Variants in MCOLN3 observed in about 807,000 individuals in gnomAD.
MCOLN3 encodes the protein mucolipin TRP cation channel 3, also known as mucolipin-3.
A neutral mutation model predicts 69.4 loss-of-function variants in MCOLN3; 62 were observed. That is an observed-to-expected ratio of 0.89 (90% CI 0.73 to 1.10). MCOLN3 has a LOEUF of 1.10. Ranked by LOEUF, MCOLN3 falls within the 50% of genes least tolerant of loss-of-function variation. MCOLN3 has a pLI of 0.00. For missense variants in MCOLN3, 564 were observed against 656.4 expected (o/e 0.86, Z 1.54); for synonymous variants, 183 against 217.0 (o/e 0.84, Z 1.38).
chr1:85,047,823 G>A (rs1159877166), intron 1 of MCOLN3, among the ~76,000 whole-genome samples: 1 of 152,212 alleles, frequency 6.6e-6, no homozygotes, highest in African/African-American at 2.4e-5. Flanking sequence ...CTGCAGGGTT[G>A]CAGCGATGTC....
chr1:85,039,909 C>T (rs933964042), intron 3 of MCOLN3, among the ~76,000 whole-genome samples: 40 of 151,744 alleles, frequency 2.6e-4, no homozygotes, highest in African/African-American at 9.2e-4. Context: ...TGTGACTGCA[C>T]CACTGCACTG....
chr1:85,033,778 A>G (rs1447249419), intron 4 of MCOLN3, among the ~76,000 whole-genome samples: 2 of 152,190 alleles, frequency 1.3e-5, no homozygotes, highest in Non-Finnish European at 2.9e-5. Context: ...TACGATAGCT[A>G]AGAACACAAA....
intron 3 of MCOLN3, among the ~76,000 whole-genome samples, chr1:85,037,121 AC>A (rs1652839791): frequency 6.6e-6 from 1 of 152,220 alleles, no homozygotes; most frequent in Admixed American, 6.5e-5. Flanking sequence ...TGATTATGGC[AC>A]CAAGCTTTCT....
At chr1:85,028,990 C>T in intron 7 of MCOLN3, 116 bp downstream of exon 7, 1 of 668,540 alleles carries the variant, frequency 1.5e-6, no homozygotes, top group Non-Finnish European at 2.6e-6. Context: ...GGTTTAGGGA[C>T]TTGAAAATGG....
At position 85,032,852 on chromosome 1, in the gene MCOLN3, C is replaced by T. The variant is rs776221795; in HGVS notation, c.635+20G>A. 2 of 1,614,070 alleles carry T rather than the reference C, an allele frequency of 1.2e-6. No homozygotes were observed. Among genetic ancestry groups the T allele is most frequent in the South Asian group, 2.2e-5 (2 of 91,084 alleles). On this transcript the variant is annotated intron_variant, in intron 5 of 12. Transcript: ENST00000370589. ...TATATACGTGCAAACGTAAGTTACACTCCTGTCTGCTCCCCTCACCTGTGG... is the reference window on the plus strand; with the variant it reads ...TATATACGTGCAAACGTAAGTTACATTCCTGTCTGCTCCCCTCACCTGTGG...
Position 85,045,254 on chromosome 1 carries a change from T to TCTTCTAATAGAG in MCOLN3, c.106_107insCTCTATTAGAAG (p.Glu35_Asp36insAlaLeuLeuGlu). Reference sequence around the variant, plus strand: ...AAATTTGAGTTTTCGCCTCATCTGGTCTTCTAATAGAAGCTCCTCAGATGG... The same window carrying TCTTCTAATAGAG: ...AAATTTGAGTTTTCGCCTCATCTGGTCTTCTAATAGAGCTTCTAATAGAAGCTCCTCAGATGG... On this transcript the variant is annotated inframe_insertion, in exon 2 of 13. Coordinates refer to ENST00000370589, the MANE Select transcript of MCOLN3 (RefSeq NM_018298.11). 6.2e-7 allele frequency: 1 copy of TCTTCTAATAGAG among 1,614,148 alleles called. No individual in the cohort carries two copies. The highest frequency in any genetic ancestry group is 1.6e-4 in the Middle Eastern group (1 of 6,062).
intron 9 of MCOLN3, 114 bp downstream of exon 9, chr1:85,025,825 T>A (rs1309687782): frequency 9.2e-7 from 1 of 1,081,238 alleles, no homozygotes; most frequent in Non-Finnish European, 1.3e-6. Context: ...CAAGTCTACT[T>A]GATATACAGT....
Position 85,039,262 on chromosome 1 carries a change from A to C in MCOLN3, c.396+1748T>G, listed in dbSNP as rs1652948795. 2.0e-5 allele frequency among the ~76,000 whole-genome samples: 3 copies of C among 152,196 alleles called. No homozygotes were observed. The South Asian group carries it at 6.2e-4, about 32-fold the overall frequency. On this transcript the variant is annotated intron_variant, in intron 3 of 12. Coordinates refer to ENST00000370589, the MANE Select transcript of MCOLN3 (RefSeq NM_018298.11). ...ATGTATGTGTCCCTCCAAAGTTCTT[A>C]TGGTGGAAATTAAACCCCAATATGA...
At chr1:85,037,985 C>T (rs1652878387) in intron 3 of MCOLN3, among the ~76,000 whole-genome samples, 1 of 152,178 alleles carries the variant, frequency 6.6e-6, no homozygotes, top group Non-Finnish European at 1.5e-5. Context: ...AATGCTGTGG[C>T]ACCAAAAGCA....
At chr1:85,021,323 C>T in intron 11 of MCOLN3, 47 bp from the exon 12 acceptor site, 1 of 1,469,364 alleles carries the variant, frequency 6.8e-7, no homozygotes, top group Non-Finnish European at 9.4e-7. Context: ...TGTTCCTTCC[C>T]ATTGGAGACC....
intron 3 of MCOLN3, among the ~76,000 whole-genome samples, chr1:85,037,047 G>A (rs986604638): frequency 6.6e-6 from 1 of 152,104 alleles, no homozygotes; most frequent in African/African-American, 2.4e-5. Flanking sequence ...TAATGCGATG[G>A]AGCTCTTCAT....
chr1:85,045,752 C>T (rs1653318432), intron 1 of MCOLN3, among the ~76,000 whole-genome samples: 1 of 152,144 alleles, frequency 6.6e-6, no homozygotes, highest in South Asian at 2.1e-4. Flanking sequence ...TATATGAAAA[C>T]TTTCATATAT....
intron 3 of MCOLN3, among the ~76,000 whole-genome samples, chr1:85,038,061 A>G (rs1652882533): frequency 6.6e-6 from 1 of 152,326 alleles, no homozygotes; most frequent in Non-Finnish European, 1.5e-5. Flanking sequence ...TTTATAAACT[A>G]TGTTTGAGCT....
intron 1 of MCOLN3, 148 bp from the exon 2 acceptor site, chr1:85,045,510 T>A (rs1653304650): frequency 1.6e-6 from 1 of 615,112 alleles, no homozygotes; most frequent in South Asian, 2.4e-5. Context: ...GCATTTTAGA[T>A]GTTTACAGAA....
Position 85,021,110 on chromosome 1 carries a change from A to G in MCOLN3, c.1487T>C (p.Leu496Pro). 2 of 1,611,662 alleles carry G rather than the reference A, an allele frequency of 1.2e-6. No homozygotes were observed. Among genetic ancestry groups the G allele is most frequent in the Non-Finnish European group, 1.7e-6 (2 of 1,179,264 alleles). Residue 496 changes from leucine to proline, a missense_variant, in exon 12 of 13, where the codon CTT becomes CCT. Coordinates refer to ENST00000370589, the MANE Select transcript of MCOLN3 (RefSeq NM_018298.11). ...TGTATCAGTGATCAGTGCAATGAAA[A>G]GACTTAAAATCATATATATAAAGAG... ...ISLFIYMILS[L>P]FIALITDTYE...
At chr1:85,035,888 T>G (rs541637630) in intron 3 of MCOLN3, among the ~76,000 whole-genome samples, 44 of 152,368 alleles carry the variant, frequency 2.9e-4, no homozygotes, top group African/African-American at 8.9e-4. Flanking sequence ...CTCTTGTTTT[T>G]ACTGTTCTTC....
intron 3 of MCOLN3, among the ~76,000 whole-genome samples, chr1:85,040,270 A>G (rs1652996238): frequency 6.6e-6 from 1 of 152,218 alleles, no homozygotes; most frequent in Non-Finnish European, 1.5e-5. Context: ...CTTACTGTGC[A>G]TAGACTGTCT....
At chr1:85,021,813 A>T (rs1478872623) in intron 11 of MCOLN3, among the ~76,000 whole-genome samples, 1 of 152,212 alleles carries the variant, frequency 6.6e-6, no homozygotes, top group Non-Finnish European at 1.5e-5. Flanking sequence ...AAATTGACTA[A>T]ACTTGACTTC....
At chr1:85,023,218 T>TTACA (rs1348842792) in intron 9 of MCOLN3, 1 of 151,940 alleles carries the variant, frequency 6.6e-6, no homozygotes, top group Non-Finnish European at 1.5e-5. Context: ...GTAGCTTGGA[T>TTACA]TACAGACACA....
Sources: gnomAD v4.1 joint callset for allele counts (sites outside exome capture counted in the v4.1 genomes callset) on GRCh38, gnomAD v4.1.1 for gene constraint, MANE v1.5 for transcripts, NCBI Gene and HGNC (gene_info 2026-07-23, HGNC 2026-07-21) for gene names.